Variants in CRISPLD1 observed in about 807,000 individuals in gnomAD.
CRISPLD1 encodes cysteine rich secretory protein LCCL domain containing 1.
A neutral mutation model predicts 77.5 loss-of-function variants in CRISPLD1; 60 were observed. The observed-to-expected ratio is 0.77, with a 90% CI of 0.63 to 0.96. The LOEUF is 0.96. Among genes scored for constraint, CRISPLD1 ranks in the 40% least tolerant of loss-of-function variants. CRISPLD1 has a pLI of 0.00. For missense variants in CRISPLD1, 623 were observed against 615.8 expected (o/e 1.01, Z -0.12); for synonymous variants, 195 against 200.1 (o/e 0.97, Z 0.22).
intron 12 of CRISPLD1, among the ~76,000 whole-genome samples, chr8:75,024,702 G>A (rs1813202883): frequency 6.6e-6 from 1 of 152,134 alleles, no homozygotes; most frequent in Non-Finnish European, 1.5e-5. Context: ...CATAGAAGAA[G>A]CATAGAAGAG....
intron 12 of CRISPLD1, among the ~76,000 whole-genome samples, chr8:75,021,814 GA>G (rs928927343): frequency 1.4e-4 from 22 of 152,044 alleles, no homozygotes; most frequent in African/African-American, 4.8e-4. Context: ...CATAATATGT[GA>G]AAAAAACCCA....
At chr8:74,991,072 A>C (rs1812566251) in intron 2 of CRISPLD1, among the ~76,000 whole-genome samples, 1 of 151,842 alleles carries the variant, frequency 6.6e-6, no homozygotes, top group South Asian at 2.1e-4. Flanking sequence ...AGCTCAGTGC[A>C]ACCTCCACCT....
At chr8:74,988,494 A>C (rs938148187) in intron 2 of CRISPLD1, among the ~76,000 whole-genome samples, 5 of 152,134 alleles carry the variant, frequency 3.3e-5, no homozygotes, top group African/African-American at 1.2e-4. Flanking sequence ...CATTATTAAT[A>C]TTACATTTCT....
chr8:75,029,051 A>G (rs1813284487), intron 13 of CRISPLD1, among the ~76,000 whole-genome samples: 1 of 152,148 alleles, frequency 6.6e-6, no homozygotes, highest in South Asian at 2.1e-4. Context: ...GACAAACAGG[A>G]CCTAGAAGAG....
chr8:74,993,849 T>A (rs919730130), intron 2 of CRISPLD1, among the ~76,000 whole-genome samples: 1 of 152,198 alleles, frequency 6.6e-6, no homozygotes, highest in Non-Finnish European at 1.5e-5. Context: ...GTTCTAGTAG[T>A]AAACAGAACA....
chr8:75,005,700 G>A lies in CRISPLD1; in HGVS notation c.259-6733G>A, dbSNP rs188743411. Among the ~76,000 whole-genome samples the A allele has an allele frequency of 2.0e-3, 310 of 152,246 alleles. 1 individual carries two copies. Among genetic ancestry groups the A allele is most frequent in the Admixed American group, 3.2e-3 (49 of 15,284 alleles). On this transcript the variant is annotated intron_variant, in intron 2 of 14. Transcript: ENST00000262207. ...TTCTGAGTTAAGCATGCACATTTATGTGTCTCTAAAGAAGGATGTTTGGGG... is the reference window on the plus strand; with the variant it reads ...TTCTGAGTTAAGCATGCACATTTATATGTCTCTAAAGAAGGATGTTTGGGG...
At chr8:75,019,947 T>C in intron 11 of CRISPLD1, 34 bp downstream of exon 11, 2 of 1,608,402 alleles carry the variant, frequency 1.2e-6, no homozygotes, top group African/African-American at 1.3e-5. Context: ...TTCTTAGTAC[T>C]GTGTAGTATG....
At chr8:75,016,478 A>G in intron 6 of CRISPLD1, 87 bp from the exon 7 acceptor site, 1 of 1,270,796 alleles carries the variant, frequency 7.9e-7, no homozygotes, top group Non-Finnish European at 1.1e-6. Context: ...TAAATGTTAA[A>G]TAGGAGTATT....
chr8:75,017,008 C>A (rs1232238551), intron 8 of CRISPLD1, 39 bp from the exon 9 acceptor site: 5 of 1,586,922 alleles, frequency 3.2e-6, no homozygotes, highest in Non-Finnish European at 4.3e-6. Context: ...TACTGACATT[C>A]AGAGAAACTA....
Position 75,034,390 on chromosome 8 carries a change from T to G in CRISPLD1, c.*2148T>G, listed in dbSNP as rs1813410973. On this transcript the variant is annotated 3_prime_UTR_variant, in exon 15 of 15. Transcript: ENST00000262207. ...TAATAAATGCATAATATGAGGTCAG[T>G]GGACGCCATTTTCTGTTATAATCAT... 6.6e-6 allele frequency: 1 copy of G among 152,068 alleles called. No homozygotes were observed. Among genetic ancestry groups the G allele is most frequent in the Non-Finnish European group, 1.5e-5 (1 of 67,928 alleles). 9.4% of individuals were successfully genotyped at this position (152,068 alleles called of 1,614,324 possible).
chr8:75,013,154 T>C lies in CRISPLD1; in HGVS notation c.510+132T>C, dbSNP rs1019187623. ...AAAATTTATATGGATATTGATTATG[T>C]TGAATTGGCTTACAAAGTTCTATAA... On this transcript the variant is annotated intron_variant, in intron 4 of 14. Transcript: ENST00000262207. 8 of 638,544 alleles carry C rather than the reference T, an allele frequency of 1.3e-5. No individual in the cohort carries two copies. In the African/African-American group the frequency reaches 1.5e-4, roughly 12 times the overall value. The allele number at this position is 638,544 out of a possible 1,614,324, so 39.6% of individuals were successfully genotyped here. A position where few individuals can be genotyped will look rare whatever the true frequency, so the allele number is the denominator to read the frequency against.
chr8:75,024,903 T>C (rs1304981148), intron 12 of CRISPLD1, among the ~76,000 whole-genome samples: 1 of 152,252 alleles, frequency 6.6e-6, no homozygotes, highest in South Asian at 2.1e-4. Flanking sequence ...CTTGGAATCA[T>C]GGAGGTGCCA....
At chr8:75,028,741 C>T (rs572849237) in intron 13 of CRISPLD1, among the ~76,000 whole-genome samples, 118 of 152,236 alleles carry the variant, frequency 7.8e-4, no homozygotes, top group Non-Finnish European at 1.3e-3. Flanking sequence ...TATTTCATGT[C>T]AGACCATTCA....
chr8:75,015,374 A>G (rs1236092689), intron 6 of CRISPLD1, among the ~76,000 whole-genome samples: 1 of 152,178 alleles, frequency 6.6e-6, no homozygotes, highest in Non-Finnish European at 1.5e-5. Context: ...ACTGCACACT[A>G]TTCAATTTGT....
intron 2 of CRISPLD1, among the ~76,000 whole-genome samples, chr8:75,008,548 G>T (rs1812874783): frequency 6.6e-6 from 1 of 152,026 alleles, no homozygotes; most frequent in Admixed American, 6.6e-5. Flanking sequence ...TATTGAACTT[G>T]ACCTAAACAG....
intron 14 of CRISPLD1, among the ~76,000 whole-genome samples, chr8:75,029,890 T>C (rs1406231416): frequency 1.3e-5 from 2 of 152,186 alleles, no homozygotes; most frequent in Non-Finnish European, 2.9e-5. Flanking sequence ...AATCCAGTTA[T>C]CTGATAAAGT....
chr8:75,007,411 C>T (rs373423219), intron 2 of CRISPLD1, among the ~76,000 whole-genome samples: 12 of 150,142 alleles, frequency 8.0e-5, no homozygotes, highest in Non-Finnish European at 1.5e-4. Context: ...GACTCTTATT[C>T]GAGCACCATA....
chr8:75,016,591 C>T lies in CRISPLD1; in HGVS notation c.754C>T (p.Arg252Ter), dbSNP rs199608942. The T allele has an allele frequency of 1.4e-5, 23 of 1,613,094 alleles. No homozygotes were observed. The highest frequency in any genetic ancestry group is 2.7e-5 in the African/African-American group (2 of 74,996). ...KEGSDRYYPP[R>*]EEETNEIERQ... ...AGGGTCAGACAGGTATTATCCCCCT[C>T]GAGAAGAGGAAACAAATGAAATAGA... The change falls in exon 7 of 15, where the codon CGA (arginine) becomes TGA (stop). Residue 252 changes from arginine to a stop codon, truncating the protein, a stop_gained. Coordinates refer to ENST00000262207, the MANE Select transcript of CRISPLD1 (RefSeq NM_031461.6). LOFTEE classifies it high-confidence loss of function.
At chr8:75,029,967 C>A (rs180962274) in intron 14 of CRISPLD1, among the ~76,000 whole-genome samples, 27 of 151,986 alleles carry the variant, frequency 1.8e-4, no homozygotes, top group Admixed American at 1.7e-3. Context: ...AGTTGGATGC[C>A]TAGTGTGATA....
Sources: allele counts gnomAD v4.1 joint callset (sites outside exome capture counted in the v4.1 genomes callset), GRCh38; gene constraint gnomAD v4.1.1; transcripts MANE v1.5; gene names NCBI Gene and HGNC (gene_info 2026-07-23, HGNC 2026-07-21).